Variants in HAO1 observed in about 807,000 individuals in gnomAD.
HAO1 encodes the protein 2-Hydroxyacid oxidase 1.
In HAO1, 34 loss-of-function variants were observed where a neutral mutation model predicts 39.7. The observed-to-expected ratio is 0.86, with a 90% CI of 0.65 to 1.14. The LOEUF is 1.14. Among genes scored for constraint, HAO1 ranks in the 50% most tolerant of loss-of-function variants. HAO1 has a pLI of 0.00. For synonymous variants in HAO1, 172 were observed against 173.2 expected (o/e 0.99, Z 0.05); for missense variants, 479 against 464.5 (o/e 1.03, Z -0.29).
rs538338980 is a variant in HAO1 at position 7,936,421 on chromosome 20, T to C, written c.138-1786A>G. 2.0e-5 allele frequency among the ~76,000 whole-genome samples: 3 copies of C among 151,684 alleles called. No individual in the cohort carries two copies. In the South Asian group the frequency reaches 6.2e-4, roughly 32 times the overall value. Reference sequence around the variant, plus strand: ...ATAGCAGCCATTGGCATGCCAGCCTTGGAAGGCATTAATATTTACTTAGAG... The same window carrying C: ...ATAGCAGCCATTGGCATGCCAGCCTCGGAAGGCATTAATATTTACTTAGAG... On this transcript the variant is annotated intron_variant, in intron 1 of 7. Coordinates refer to ENST00000378789, the MANE Select transcript of HAO1 (RefSeq NM_017545.3).
In HAO1 at chr20:7,883,528, G is replaced by C; in HGVS notation, c.*65C>G. On this transcript the variant is annotated 3_prime_UTR_variant, in exon 8 of 8. Coordinates refer to ENST00000378789, the MANE Select transcript of HAO1 (RefSeq NM_017545.3). ...ACAGACTGTGGTCACCCTCTGCACA[G>C]TGTCTCTTTGTCAAGTAATACATGC... 1 of 1,178,624 alleles carries C rather than the reference G, an allele frequency of 8.5e-7. No individual in the cohort carries two copies. Among genetic ancestry groups the C allele is most frequent in the South Asian group, 1.2e-5 (1 of 82,432 alleles). The allele number at this position is 1,178,624 out of a possible 1,614,324, so 73.0% of individuals were successfully genotyped here.
rs997391314 is a variant in HAO1, at chr20:7,907,259, C to T, written c.546-930G>A. Among the ~76,000 whole-genome samples the T allele has an allele frequency of 5.3e-5, 8 of 151,878 alleles. No homozygotes were observed. In the South Asian group the frequency reaches 8.3e-4, roughly 16 times the overall value. On this transcript the variant is annotated intron_variant, in intron 3 of 7. Coordinates refer to ENST00000378789, the MANE Select transcript of HAO1 (RefSeq NM_017545.3). ...ACAAGAGCTTTTCAATTATCAATAC[C>T]TTCATTTCTCTGCCAGTGGTTTTTT...
intron 2 of HAO1, among the ~76,000 whole-genome samples, chr20:7,921,373 A>G (rs2050331848): frequency 6.6e-6 from 1 of 152,188 alleles, no homozygotes; most frequent in Admixed American, 6.6e-5. Context: ...ATCTCTAATC[A>G]TCAAAGAAAT....
intron 4 of HAO1, among the ~76,000 whole-genome samples, chr20:7,898,316 G>T (rs953770048): frequency 6.6e-6 from 1 of 152,132 alleles, no homozygotes. Context: ...TTTCCTGAAA[G>T]CCTATCTCAA....
At chr20:7,896,787 A>G (rs1600107857) in intron 4 of HAO1, among the ~76,000 whole-genome samples, 1 of 152,078 alleles carries the variant, frequency 6.6e-6, no homozygotes, top group Non-Finnish European at 1.5e-5. Flanking sequence ...CAAACTTTTC[A>G]ATTATTTGAT....
chr20:7,891,750 A>G (rs1283870721), intron 5 of HAO1, among the ~76,000 whole-genome samples: 1 of 152,212 alleles, frequency 6.6e-6, no homozygotes, highest in Admixed American at 6.5e-5. Flanking sequence ...ACGTGTCCAT[A>G]TTCTCTCAGC....
chr20:7,897,311 A>G (rs1186939247), intron 4 of HAO1, among the ~76,000 whole-genome samples: 1 of 152,272 alleles, frequency 6.6e-6, no homozygotes, highest in Non-Finnish European at 1.5e-5. Context: ...CACTCTAATG[A>G]CTTACATTAT....
intron 4 of HAO1, 103 bp from the exon 5 acceptor site, chr20:7,895,327 G>A (rs1463178580): frequency 1.2e-5 from 9 of 722,602 alleles, no homozygotes; most frequent in Non-Finnish European, 2.3e-5. Context: ...ACTCCCATCT[G>A]CATACCTGGG....
At position 7,914,370 on chromosome 20, in the gene HAO1, G is replaced by A. The variant is rs764971920; in HGVS notation, c.339C>T (p.Ser113=). 1.2e-6 allele frequency: 2 copies of A among 1,613,746 alleles called. No homozygotes were observed. Among genetic ancestry groups the A allele is most frequent in the Admixed American group, 1.7e-5 (1 of 60,016 alleles). Residue 113 remains serine (S), a synonymous_variant, in exon 3 of 8, where the codon TCC becomes TCT. Transcript: ENST00000378789. ...TGMMLSSWAT[S]SIEEVAEAGP... The stretch of plus-strand genomic sequence containing the variant: ...CAGCTTCCGCCACTTCTTCAATTGA[G>A]GAGGTGGCCCAGGAACTCAACATCA...
intron 4 of HAO1, among the ~76,000 whole-genome samples, chr20:7,904,446 T>C (rs923322307): frequency 1.3e-5 from 2 of 152,374 alleles, no homozygotes; most frequent in African/African-American, 4.8e-5. Flanking sequence ...AAATGGCTTA[T>C]GTGTTTTATA....
intron 3 of HAO1, among the ~76,000 whole-genome samples, chr20:7,909,491 C>T (rs2050267296): frequency 6.7e-6 from 1 of 148,994 alleles, no homozygotes; most frequent in Non-Finnish European, 1.5e-5. Flanking sequence ...TTACTTAGGG[C>T]TTAATTCTCC....
At chr20:7,884,245 T>C (rs2050141083) in intron 7 of HAO1, among the ~76,000 whole-genome samples, 1 of 152,194 alleles carries the variant, frequency 6.6e-6, no homozygotes, top group African/African-American at 2.4e-5. Flanking sequence ...GTATTGTTTG[T>C]GTGCCAGGCA....
chr20:7,918,136 C>A (rs758831710), intron 2 of HAO1, among the ~76,000 whole-genome samples: 4 of 152,178 alleles, frequency 2.6e-5, no homozygotes, highest in African/African-American at 4.8e-5. Flanking sequence ...AAGGTATTAT[C>A]ATTTGAAGCT....
rs1286776660 is a variant in HAO1 at position 7,883,638 on chromosome 20, G to A, written c.1068C>T (p.Asp356=). 1.2e-6 allele frequency: 2 copies of A among 1,612,498 alleles called. No homozygotes were observed. The highest frequency in any genetic ancestry group is 1.7e-5 in the Admixed American group (1 of 60,000). The change falls in exon 8 of 8, where the codon GAC becomes GAT. Residue 356 remains aspartate (D), a synonymous_variant. Coordinates refer to ENST00000378789, the MANE Select transcript of HAO1 (RefSeq NM_017545.3). ...LSGCQNVKVI[D]KTLVRKNPLA... is the part of the protein sequence containing the mutation. Reference sequence around the variant, plus strand: ...AAGGATTTTTCCTCACCAATGTCTTGTCGATGACTTTCACATTCTGGCACC... The same window carrying A: ...AAGGATTTTTCCTCACCAATGTCTTATCGATGACTTTCACATTCTGGCACC...
At chr20:7,935,090 T>C (rs1394086244) in intron 1 of HAO1, among the ~76,000 whole-genome samples, 1 of 152,230 alleles carries the variant, frequency 6.6e-6, no homozygotes, top group Non-Finnish European at 1.5e-5. Flanking sequence ...GAATATCATG[T>C]AAACAAAATC....
intron 2 of HAO1, among the ~76,000 whole-genome samples, chr20:7,927,183 G>A (rs971602972): frequency 6.6e-6 from 1 of 152,100 alleles, no homozygotes; most frequent in Non-Finnish European, 1.5e-5. Flanking sequence ...AAATGGTATA[G>A]TAAGCATTTT....
chr20:7,934,178 T>C (rs1364643293), intron 2 of HAO1, among the ~76,000 whole-genome samples: 4 of 152,178 alleles, frequency 2.6e-5, no homozygotes, highest in African/African-American at 9.7e-5. Flanking sequence ...GCCCCTACTC[T>C]CTGCCATGAA....
At chr20:7,894,421 G>A (rs750555627) in intron 5 of HAO1, among the ~76,000 whole-genome samples, 5 of 152,028 alleles carry the variant, frequency 3.3e-5, no homozygotes, top group Admixed American at 6.6e-5. Context: ...GATGCACATT[G>A]GAATCTCCTG....
chr20:7,898,069 A>C (rs893350825), intron 4 of HAO1, among the ~76,000 whole-genome samples: 1 of 152,150 alleles, frequency 6.6e-6, no homozygotes, highest in Non-Finnish European at 1.5e-5. Flanking sequence ...GCCATTCATT[A>C]ATGTCTTTAG....
Sources: gnomAD v4.1 joint callset for allele counts (sites outside exome capture counted in the v4.1 genomes callset) on GRCh38, gnomAD v4.1.1 for gene constraint, MANE v1.5 for transcripts, NCBI Gene and HGNC (gene_info 2026-07-23, HGNC 2026-07-21) for gene names.